RBM3: variants seen among roughly 807,000 people sequenced by gnomAD.
RBM3 encodes RNA binding motif protein 3.
In RBM3, 3 loss-of-function variants were observed where a neutral mutation model predicts 12.0. The observed-to-expected ratio is 0.25, with a 90% CI of 0.11 to 0.65. The LOEUF (loss-of-function observed/expected upper bound fraction) is 0.65. Ranked by LOEUF, RBM3 falls within the 30% of genes least tolerant of loss-of-function variation. The pLI, the probability that RBM3 is intolerant of heterozygous loss-of-function variation, is 0.84. For missense variants in RBM3, 108 were observed against 134.5 expected, an observed-to-expected ratio of 0.80 and a Z score of 0.97; for synonymous variants, 58 against 45.7, an observed-to-expected ratio of 1.27 and a Z score of -1.08.
At position 48,575,119 on chromosome X, in the gene RBM3, T is replaced by TC. The variant is rs2062074441; in HGVS notation, c.-13-47dup. On this transcript the variant is annotated intron_variant, in intron 1 of 6. Transcript: ENST00000376759. ...TTCCGTCTCGCTATTTTCTCACATC[T>TC]CCATTTTCTTTCTCCTTCCTGCCAC... 23 of 928,565 alleles carry TC rather than the reference T, an allele frequency of 2.5e-5. No individual in the cohort carries two copies. In the South Asian group the frequency reaches 4.6e-4, roughly 19 times the overall value. 76.5% of individuals were successfully genotyped at this position (928,565 alleles called of 1,213,427 possible).
rs1264045133 is a variant in RBM3, at chrX:48,579,048, C to T, written c.*1607C>T. 9.5e-6 allele frequency: 1 copy of T among 105,049 alleles called. No homozygotes were observed. Among genetic ancestry groups the T allele is most frequent in the African/African-American group, 3.4e-5 (1 of 29,551 alleles). 8.7% of individuals were successfully genotyped at this position (105,049 alleles called of 1,213,427 possible). Reference sequence around the variant, plus strand: ...CACTGAGAAGAGTTGGCAAAGCTCTCAGTCACGGGGATTTGATCTTTTTTG... The same window carrying T: ...CACTGAGAAGAGTTGGCAAAGCTCTTAGTCACGGGGATTTGATCTTTTTTG... On this transcript the variant is annotated 3_prime_UTR_variant, in exon 7 of 7. Coordinates refer to ENST00000376759, the MANE Select transcript of RBM3 (RefSeq NM_006743.5).
Position 48,580,192 on chromosome X carries a change from C to T in RBM3, c.*2751C>T, listed in dbSNP as rs1018972057. Among the ~76,000 whole-genome samples, 37 of 111,725 alleles carry T rather than the reference C, an allele frequency of 3.3e-4. No homozygotes were observed. Among genetic ancestry groups the T allele is most frequent in the African/African-American group, 1.1e-3 (34 of 30,752 alleles). The stretch of plus-strand genomic sequence containing the variant: ...AATCTTTCTGAACCATTCACCAAAT[C>T]TCTTGTCAAGGGCCAGAATAAATTA... On this transcript the variant is annotated 3_prime_UTR_variant, in exon 7 of 7. Transcript: ENST00000376759.
At position 48,575,232 on chromosome X, in the gene RBM3, G is replaced by A; in HGVS notation, c.52G>A (p.Asp18Asn). The change falls in exon 2 of 7, where the codon GAC becomes AAC. Residue 18 changes from aspartate to asparagine, a missense_variant. Asp to Asn is a conservative substitution (Grantham distance 23). Transcript: ENST00000376759. ...LFVGGLNFNT[D>N]EQALEDHFSS... ...CGTGGGAGGGCTCAACTTTAACACC[G>A]ACGAGCAGGCACTGGAAGACCACTT... is the stretch of plus-strand genomic sequence containing the variant. The A allele has an allele frequency of 8.3e-7, 1 of 1,210,330 alleles. No homozygotes were observed. The highest frequency in any genetic ancestry group is 1.1e-6 in the Non-Finnish European group (1 of 895,001).
intron 6 of RBM3, 145 bp downstream of exon 6, chrX:48,577,254 C>A: frequency 1.8e-6 from 2 of 1,125,535 alleles, no homozygotes; most frequent in Non-Finnish European, 2.3e-6. Context: ...GCTAGGCCTT[C>A]CTTGCTCTCA....
intron 3 of RBM3, 192 bp from the exon 4 acceptor site, chrX:48,576,122 T>C: frequency 8.6e-7 from 1 of 1,156,597 alleles, no homozygotes; most frequent in Non-Finnish European, 1.1e-6. Flanking sequence ...ATTCAGGTCA[T>C]TTTGTGTGGG....
chrX:48,576,997 A>T lies in RBM3; in HGVS notation c.414-29A>T, dbSNP rs782105631. The T allele has an allele frequency of 2.4e-4, 293 of 1,203,651 alleles. 1 individual carries two copies. The South Asian group carries it at 4.7e-3, about 19-fold the overall frequency. On this transcript the variant is annotated intron_variant, in intron 5 of 6. Coordinates refer to ENST00000376759, the MANE Select transcript of RBM3 (RefSeq NM_006743.5). ...TGGTATATATAATGCAGTACCAGAA[A>T]ACTTTTGTGTGTTTTTTTTCCCCCC... is the stretch of plus-strand genomic sequence containing the variant.
At chrX:48,576,152 A>T (rs1473220085) in intron 3 of RBM3, 162 bp from the exon 4 acceptor site, 57 of 1,163,358 alleles carry the variant, frequency 4.9e-5, no homozygotes, top group Non-Finnish European at 6.5e-5. Flanking sequence ...CTCCTGATGA[A>T]GCCATTCTGG....
Position 48,577,055 on chromosome X carries a change from G to A in RBM3, c.443G>A (p.Gly148Glu), listed in dbSNP as rs782653930. 8.3e-7 allele frequency: 1 copy of A among 1,211,531 alleles called. No homozygotes were observed. The highest frequency in any genetic ancestry group is 1.1e-6 in the Non-Finnish European group (1 of 895,492). ...CAGGGTGGTTATGACCGCTACTCAG[G>A]AGGAAATTACAGAGACAATTATGAC... Reference protein sequence around the residue: ...RNQGGYDRYSGGNYRDNYDN With the variant: ...RNQGGYDRYSEGNYRDNYDN Residue 148 changes from glycine (G) to glutamate (E), a missense_variant, in exon 6 of 7, where the codon GGA (glycine) becomes GAA (glutamate). Physicochemically the swap from Gly to Glu is moderately conservative, Grantham distance 98. This residue lies in a region of RBM3 where 65 missense variants were observed against 54.9 expected (regional missense o/e 1.18). Coordinates refer to ENST00000376759, the MANE Select transcript of RBM3 (RefSeq NM_006743.5).
rs141727319 is a variant in RBM3 at position 48,579,828 on chromosome X, A to T, written c.*2387A>T. 1 of 111,773 alleles carries T rather than the reference A, an allele frequency of 8.9e-6. No homozygotes were observed. Among genetic ancestry groups the T allele is most frequent in the Admixed American group, 9.6e-5 (1 of 10,431 alleles). 9.2% of individuals were successfully genotyped at this position (111,773 alleles called of 1,213,427 possible). On this transcript the variant is annotated 3_prime_UTR_variant, in exon 7 of 7. Transcript: ENST00000376759. ...CCTGCTCTGCTCTGCTGTGTTTACA[A>T]TGTGCTTTGTGATCATCCAGCCCAG...
At chrX:48,576,631 C>G in intron 5 of RBM3, 27 bp downstream of exon 5, 1 of 1,161,694 alleles carries the variant, frequency 8.6e-7, no homozygotes, top group Non-Finnish European at 1.1e-6. Context: ...CTGGGATGTT[C>G]TCCTATTGCT....
Position 48,579,049 on chromosome X carries a change from AG to A in RBM3, c.*1609del, listed in dbSNP as rs2062092997. The A allele has an allele frequency of 9.6e-6, 1 of 104,206 alleles. No homozygotes were observed. The highest frequency in any genetic ancestry group is 3.4e-5 in the African/African-American group (1 of 29,399). 8.6% of individuals were successfully genotyped at this position (104,206 alleles called of 1,213,427 possible). ...ACTGAGAAGAGTTGGCAAAGCTCTCAGTCACGGGGATTTGATCTTTTTTGGT... is the reference window on the plus strand; with the variant it reads ...ACTGAGAAGAGTTGGCAAAGCTCTCATCACGGGGATTTGATCTTTTTTGGT... On this transcript the variant is annotated 3_prime_UTR_variant, in exon 7 of 7. Coordinates refer to ENST00000376759, the MANE Select transcript of RBM3 (RefSeq NM_006743.5).
chrX:48,575,168 G>A lies in RBM3; in HGVS notation c.-13G>A, dbSNP rs376496012. On this transcript the variant is annotated splice_region_variant and 5_prime_UTR_variant, in exon 2 of 7. Coordinates refer to ENST00000376759, the MANE Select transcript of RBM3 (RefSeq NM_006743.5). The stretch of plus-strand genomic sequence containing the variant: ...ACCATTCTTCATGTTCTTCCCACAG[G>A]ACTTGAACTGCCATGTCCTCTGAAG... The A allele has an allele frequency of 3.6e-4, 425 of 1,179,896 alleles. No individual in the cohort carries two copies. The highest frequency in any genetic ancestry group is 4.6e-4 in the Non-Finnish European group (401 of 870,761).
intron 2 of RBM3, 81 bp downstream of exon 2, chrX:48,575,364 G>T: frequency 1.0e-6 from 1 of 956,332 alleles, no homozygotes; most frequent in Non-Finnish European, 1.5e-6. Context: ...TAACTGAAAA[G>T]TTAGGACCCA....
chrX:48,575,738 CTG>C (rs2062077449), intron 3 of RBM3, 71 bp downstream of exon 3: 2 of 1,006,456 alleles, frequency 2.0e-6, no homozygotes, highest in East Asian at 3.2e-5. Flanking sequence ...GTTTTTCCCT[CTG>C]TGTCTGCTCG....
At position 48,576,303 on chromosome X, in the gene RBM3, C is replaced by G; in HGVS notation, c.211-11C>G. ...CTGCCAACCCATCATCCTTGTGTCTCCCACACTTAGTCTCTGGATGGTCGT... is the reference window on the plus strand; with the variant it reads ...CTGCCAACCCATCATCCTTGTGTCTGCCACACTTAGTCTCTGGATGGTCGT... On this transcript the variant is annotated splice_polypyrimidine_tract_variant and intron_variant, in intron 3 of 6. Transcript: ENST00000376759. 1 of 1,205,678 alleles carries G rather than the reference C, an allele frequency of 8.3e-7. No homozygotes were observed. The highest frequency in any genetic ancestry group is 3.0e-5 in the East Asian group (1 of 33,089).
intron 4 of RBM3, 29 bp downstream of exon 4, chrX:48,576,448 G>A (rs2062080412): frequency 2.5e-6 from 3 of 1,203,015 alleles, no homozygotes; most frequent in East Asian, 6.0e-5. Context: ...TTGATCATGG[G>A]GTGAGAGGGA....
At chrX:48,576,646 T>C (rs2062081686) in intron 5 of RBM3, 42 bp downstream of exon 5, 1 of 1,155,280 alleles carries the variant, frequency 8.7e-7, no homozygotes, top group African/African-American at 1.8e-5. Context: ...ATTGCTTCCC[T>C]CTCCTTAAGA....
chrX:48,575,020 C>G (rs1415242351), intron 1 of RBM3, 148 bp from the exon 2 acceptor site: 1 of 478,267 alleles, frequency 2.1e-6, no homozygotes, highest in African/African-American at 2.4e-5. Context: ...TTATTGGCCG[C>G]CTTTCTCAGC....
At chrX:48,575,104 C>A (rs2062074296) in intron 1 of RBM3, 64 bp from the exon 2 acceptor site, 2 of 816,685 alleles carry the variant, frequency 2.4e-6, no homozygotes, top group Admixed American at 2.7e-5. Context: ...TTCCGTCTCG[C>A]TATTTTCTCA....
Sources: allele counts gnomAD v4.1 joint callset (sites outside exome capture counted in the v4.1 genomes callset), GRCh38; gene constraint gnomAD v4.1.1; regional missense constraint gnomAD v4.1.1; transcripts MANE v1.5; gene names NCBI Gene and HGNC (gene_info 2026-07-23, HGNC 2026-07-21).